The following JPH1 variants were observed in gnomAD, a reference collection of about 807,000 sequenced individuals.
JPH1 encodes junctophilin 1.
In JPH1, 12 loss-of-function variants were observed where a neutral mutation model predicts 53.6. The ratio of observed to expected loss-of-function variants is 0.22; its 90% CI spans 0.14 to 0.36. The LOEUF is 0.36. JPH1 is among the 10% of genes least tolerant of loss of function. The pLI, the probability that JPH1 is intolerant of heterozygous loss-of-function variation, is 1.00. For synonymous variants in JPH1, 375 were observed against 363.8 expected, an observed-to-expected ratio of 1.03 and a Z score of -0.35; for missense variants, 808 against 905.5, an observed-to-expected ratio of 0.89 and a Z score of 1.38.
chr8:74,270,134 C>T (rs1331436880), intron 2 of JPH1, among the ~76,000 whole-genome samples: 5 of 152,026 alleles, frequency 3.3e-5, no homozygotes, highest in African/African-American at 9.7e-5. Flanking sequence ...AATGAAAGAA[C>T]ACAGTTTAGG....
At chr8:74,274,084 T>G (rs967758645) in intron 2 of JPH1, among the ~76,000 whole-genome samples, 5 of 152,230 alleles carry the variant, frequency 3.3e-5, no homozygotes, top group Non-Finnish European at 5.9e-5. Context: ...CAAATGCATG[T>G]GGCACCTTTT....
chr8:74,290,988 G>A (rs1807308703), intron 2 of JPH1, among the ~76,000 whole-genome samples: 1 of 152,132 alleles, frequency 6.6e-6, no homozygotes, highest in Non-Finnish European at 1.5e-5. Context: ...ATTCAAGATG[G>A]ATTAAAGACT....
At chr8:74,295,765 T>C (rs1300770100) in intron 2 of JPH1, among the ~76,000 whole-genome samples, 1 of 152,128 alleles carries the variant, frequency 6.6e-6, no homozygotes, top group Non-Finnish European at 1.5e-5. Flanking sequence ...TGCCTGCAGA[T>C]GGGTCTCTCG....
At chr8:74,240,735 A>G (rs1310691299) in intron 4 of JPH1, among the ~76,000 whole-genome samples, 2 of 152,224 alleles carry the variant, frequency 1.3e-5, no homozygotes, top group African/African-American at 4.8e-5. Context: ...TGGTCAGAAC[A>G]ATACAACATA....
At chr8:74,280,126 T>C (rs1000906341) in intron 2 of JPH1, among the ~76,000 whole-genome samples, 14 of 152,306 alleles carry the variant, frequency 9.2e-5, no homozygotes, top group African/African-American at 3.4e-4. Context: ...ATGAAATCTG[T>C]AGTAAGTAAA....
chr8:74,275,715 A>G (rs1806827047), intron 2 of JPH1, among the ~76,000 whole-genome samples: 1 of 152,200 alleles, frequency 6.6e-6, no homozygotes, highest in Non-Finnish European at 1.5e-5. Context: ...CTACATCACA[A>G]CAGACAATGG....
At chr8:74,248,577 T>C (rs1365151404) in intron 3 of JPH1, among the ~76,000 whole-genome samples, 2 of 152,360 alleles carry the variant, frequency 1.3e-5, no homozygotes, top group East Asian at 1.9e-4. Context: ...CATATGTCCA[T>C]AGCACCAGCC....
intron 2 of JPH1, among the ~76,000 whole-genome samples, chr8:74,299,724 C>T (rs917776677): frequency 2.6e-5 from 4 of 152,118 alleles, no homozygotes; most frequent in Non-Finnish European, 4.4e-5. Context: ...TTATGGGGAG[C>T]GGGGTGCCTG....
chr8:74,248,573 T>C (rs895356251), intron 3 of JPH1, among the ~76,000 whole-genome samples: 7 of 152,332 alleles, frequency 4.6e-5, no homozygotes, highest in Middle Eastern at 3.4e-3. Context: ...GGTTCATATG[T>C]CCATAGCACC....
chr8:74,309,084 T>C (rs1020038043), intron 2 of JPH1, among the ~76,000 whole-genome samples: 2 of 152,168 alleles, frequency 1.3e-5, no homozygotes, highest in African/African-American at 4.8e-5. Context: ...TAAGATTACA[T>C]GTCTAGGTGC....
intron 2 of JPH1, among the ~76,000 whole-genome samples, chr8:74,303,462 C>T (rs974003698): frequency 6.6e-6 from 1 of 152,204 alleles, no homozygotes; most frequent in African/African-American, 2.4e-5. Flanking sequence ...TTAACTCAAC[C>T]AGCCACAGGT....
At chr8:74,287,700 A>C (rs752644100) in intron 2 of JPH1, among the ~76,000 whole-genome samples, 31 of 151,266 alleles carry the variant, frequency 2.0e-4, no homozygotes, top group Non-Finnish European at 3.7e-4. Context: ...GAAAGCGGAG[A>C]CTTTTAAAGA....
Position 74,244,872 on chromosome 8 carries a change from T to G in JPH1, c.1562A>C (p.Lys521Thr), listed in dbSNP as rs1474183930. Reference sequence around the variant, plus strand: ...CTGGGGCACAACCGCTCCTGCCTCCTTCGTGGGAGCCTTTGACATCAAGGG... The same window carrying G: ...CTGGGGCACAACCGCTCCTGCCTCCGTCGTGGGAGCCTTTGACATCAAGGG... ...NKPLMSKAPT[K>T]EAGAVVPQSK... The change falls in exon 4 of 6, where the codon AAG (lysine) becomes ACG (threonine). Residue 521 changes from lysine to threonine, a missense_variant. Coordinates refer to ENST00000342232, the MANE Select transcript of JPH1 (RefSeq NM_020647.4). The G allele has an allele frequency of 6.2e-7, 1 of 1,614,176 alleles. No individual in the cohort carries two copies. The highest frequency in any genetic ancestry group is 1.7e-5 in the Admixed American group (1 of 60,014).
intron 2 of JPH1, among the ~76,000 whole-genome samples, chr8:74,274,956 G>A (rs987691094): frequency 3.3e-5 from 5 of 152,088 alleles, no homozygotes; most frequent in Non-Finnish European, 7.3e-5. Flanking sequence ...TAGAAACCAA[G>A]GTTTCGGCCT....
At chr8:74,290,022 T>C (rs1807277100) in intron 2 of JPH1, among the ~76,000 whole-genome samples, 1 of 152,150 alleles carries the variant, frequency 6.6e-6, no homozygotes, top group Admixed American at 6.5e-5. Context: ...GATATTGGTC[T>C]AAAATTCACA....
intron 2 of JPH1, among the ~76,000 whole-genome samples, chr8:74,305,949 T>C (rs1054642246): frequency 1.3e-5 from 2 of 152,206 alleles, no homozygotes; most frequent in South Asian, 2.1e-4. Flanking sequence ...TCCATCTCAA[T>C]GCCTCCGAGT....
intron 2 of JPH1, among the ~76,000 whole-genome samples, chr8:74,278,923 G>A (rs1586753734): frequency 1.3e-5 from 2 of 152,100 alleles, no homozygotes; most frequent in East Asian, 1.9e-4. Context: ...AGGGATATGT[G>A]TAAGTTTTGT....
chr8:74,283,426 A>G (rs1807070317), intron 2 of JPH1, among the ~76,000 whole-genome samples: 1 of 152,178 alleles, frequency 6.6e-6, no homozygotes. Context: ...GGAAAAAGGG[A>G]GCACAAGAGA....
intron 2 of JPH1, among the ~76,000 whole-genome samples, chr8:74,309,354 A>G (rs980782953): frequency 6.6e-6 from 1 of 152,208 alleles, no homozygotes; most frequent in Non-Finnish European, 1.5e-5. Context: ...GATATAACAA[A>G]GTCAATACAA....
Sources: allele counts gnomAD v4.1 joint callset (sites outside exome capture counted in the v4.1 genomes callset), GRCh38; gene constraint gnomAD v4.1.1; transcripts MANE v1.5; gene names NCBI Gene and HGNC (gene_info 2026-07-23, HGNC 2026-07-21).